MRAS: variants seen among roughly 807,000 people sequenced by gnomAD.
MRAS encodes the protein ras-related protein M-Ras.
MRAS carries 4 observed loss-of-function variants against 20.9 expected under a neutral mutation model. That is an observed-to-expected ratio of 0.19 (90% confidence interval 0.09 to 0.44). MRAS has a LOEUF of 0.44. Ranked by LOEUF, MRAS falls within the 20% of genes least tolerant of loss-of-function variation. The pLI is 0.99. For missense variants in MRAS, 154 were observed against 277.5 expected (o/e 0.56, Z 3.16); for synonymous variants, 98 against 102.9 (o/e 0.95, Z 0.29).
intron 2 of MRAS, among the ~76,000 whole-genome samples, chr3:138,394,733 A>G (rs1330773764): frequency 6.6e-6 from 1 of 152,070 alleles, no homozygotes; most frequent in Non-Finnish European, 1.5e-5. Flanking sequence ...TGGGATCACT[A>G]TTCCCCTAGA....
In MRAS at chr3:138,371,515, A is replaced by G. The variant is rs2054673509; in HGVS notation, c.-18-1351A>G. On this transcript the variant is annotated intron_variant, in intron 1 of 5. Coordinates refer to ENST00000423968, the MANE Select transcript of MRAS (RefSeq NM_001085049.3). Reference sequence around the variant, plus strand: ...CACCCAGTTCTTTGTCCTCCCTGCCACACTGCCACCCTCCTCTCTGTGAGA... The same window carrying G: ...CACCCAGTTCTTTGTCCTCCCTGCCGCACTGCCACCCTCCTCTCTGTGAGA... Among the ~76,000 whole-genome samples, 2 of 152,210 alleles carry G rather than the reference A, an allele frequency of 1.3e-5. 1 individual carries two copies. Among genetic ancestry groups the G allele is most frequent in the South Asian group, 4.1e-4 (2 of 4,826 alleles).
intron 1 of MRAS, among the ~76,000 whole-genome samples, chr3:138,352,701 A>G (rs1257953561): frequency 1.3e-5 from 2 of 152,152 alleles, no homozygotes; most frequent in Non-Finnish European, 2.9e-5. Flanking sequence ...CGGATAAAAC[A>G]ATATGATTTA....
intron 2 of MRAS, among the ~76,000 whole-genome samples, chr3:138,373,598 A>AT (rs1056325525): frequency 5.9e-5 from 9 of 152,154 alleles, no homozygotes; most frequent in African/African-American, 2.2e-4. Flanking sequence ...GCCCATACTG[A>AT]TTTGGAAATT....
chr3:138,352,772 G>C (rs1023946484), intron 1 of MRAS, among the ~76,000 whole-genome samples: 2 of 152,090 alleles, frequency 1.3e-5, no homozygotes, highest in African/African-American at 4.8e-5. Context: ...CGGCTGTGCA[G>C]CTTGTAGTGG....
intron 2 of MRAS, among the ~76,000 whole-genome samples, chr3:138,378,152 C>T (rs879734942): frequency 2.6e-5 from 4 of 152,226 alleles, no homozygotes; most frequent in Non-Finnish European, 4.4e-5. Context: ...TTACTCCTCA[C>T]CCAGGGTCCT....
At chr3:138,390,982 A>G (rs1314453969) in intron 2 of MRAS, among the ~76,000 whole-genome samples, 1 of 152,238 alleles carries the variant, frequency 6.6e-6, no homozygotes, top group Non-Finnish European at 1.5e-5. Context: ...ATCCATAGTC[A>G]GAGGCCTTTT....
At chr3:138,374,144 G>A (rs1171886320) in intron 2 of MRAS, among the ~76,000 whole-genome samples, 6 of 151,870 alleles carry the variant, frequency 4.0e-5, no homozygotes, top group Non-Finnish European at 7.4e-5. Flanking sequence ...TGTATTTTTA[G>A]TAGAGACGGG....
At chr3:138,355,431 C>G (rs2054311931) in intron 1 of MRAS, among the ~76,000 whole-genome samples, 1 of 152,208 alleles carries the variant, frequency 6.6e-6, no homozygotes, top group South Asian at 2.1e-4. Flanking sequence ...GAGTAAAGCT[C>G]TGCTTTTTAA....
intron 2 of MRAS, among the ~76,000 whole-genome samples, chr3:138,390,579 G>A (rs1193242225): frequency 1.3e-5 from 2 of 152,188 alleles, no homozygotes; most frequent in Admixed American, 6.5e-5. Flanking sequence ...TTTCTTAATA[G>A]TGTAGCTGCC....
At chr3:138,390,850 A>G (rs968520713) in intron 2 of MRAS, among the ~76,000 whole-genome samples, 3 of 152,174 alleles carry the variant, frequency 2.0e-5, no homozygotes, top group Non-Finnish European at 4.4e-5. Flanking sequence ...TTTAGGTTTT[A>G]TATGTTTTCT....
chr3:138,375,073 G>C (rs2054755553), intron 2 of MRAS, among the ~76,000 whole-genome samples: 1 of 152,058 alleles, frequency 6.6e-6, no homozygotes, highest in Non-Finnish European at 1.5e-5. Context: ...GTGAAGATTG[G>C]GGGGAATCTC....
chr3:138,372,804 T>C (rs2054702466), intron 1 of MRAS, 62 bp from the exon 2 acceptor site: 4 of 1,187,378 alleles, frequency 3.4e-6, no homozygotes, highest in South Asian at 3.4e-5. Flanking sequence ...GGAAAACATA[T>C]GAATATTTTC....
At position 138,373,017 on chromosome 3, in the gene MRAS, C is replaced by G; in HGVS notation, c.134C>G (p.Thr45Ser). The change falls in exon 2 of 6, where the codon ACC becomes AGC. Residue 45 changes from threonine (T) to serine (S), a missense_variant. By Grantham distance (58) the Thr-to-Ser change is moderately conservative. Coordinates refer to ENST00000423968, the MANE Select transcript of MRAS (RefSeq NM_001085049.3). ...QKIFVPDYDP[T>S]IEDSYLKHTE... ...ATCTTTGTGCCTGACTATGACCCCA[C>G]CATTGAAGACTCCTACCTGAAACAT... The G allele has an allele frequency of 1.3e-6, 2 of 1,552,502 alleles. No homozygotes were observed. Among genetic ancestry groups the G allele is most frequent in the Non-Finnish European group, 1.7e-6 (2 of 1,152,040 alleles).
chr3:138,370,134 A>G (rs543721531), intron 1 of MRAS, among the ~76,000 whole-genome samples: 157 of 152,252 alleles, frequency 1.0e-3, no homozygotes, highest in Non-Finnish European at 1.9e-3. Context: ...CCTGGCCAAC[A>G]TGGTGAAACC....
At chr3:138,400,513 A>G (rs1223041889) in intron 4 of MRAS, 21 bp from the exon 5 acceptor site, 2 of 1,596,068 alleles carry the variant, frequency 1.3e-6, no homozygotes, top group Admixed American at 1.7e-5. Context: ...CACTTTGATC[A>G]AGTTGAGCTT....
At chr3:138,361,512 A>G (rs2054446893) in intron 1 of MRAS, among the ~76,000 whole-genome samples, 1 of 152,132 alleles carries the variant, frequency 6.6e-6, no homozygotes, top group Non-Finnish European at 1.5e-5. Flanking sequence ...CAAGGGAGAA[A>G]AAGGAAGAGA....
chr3:138,351,659 GAGCTCAGATCTCCCAA>G (rs1301695645), intron 1 of MRAS, among the ~76,000 whole-genome samples: 1 of 152,186 alleles, frequency 6.6e-6, no homozygotes, highest in Non-Finnish European at 1.5e-5. Context: ...AGATTAAGCA[GAGCTCAGATCTCCCAA>G]AGATGCTCTC....
chr3:138,398,452 G>A lies in MRAS; in HGVS notation c.348-17G>A, dbSNP rs574806189. 7.4e-6 allele frequency: 12 copies of A among 1,611,118 alleles called. No individual in the cohort carries two copies. The highest frequency in any genetic ancestry group is 3.3e-4 in the Middle Eastern group (2 of 6,054). ...GTGGTGGAAACCTCACAGAGCTGCT[G>A]TTCCTTTATTTCCCAGGGAGTCATT... is the stretch of plus-strand genomic sequence containing the variant. On this transcript the variant is annotated splice_polypyrimidine_tract_variant and intron_variant, in intron 3 of 5. Transcript: ENST00000423968.
chr3:138,374,881 ATTGTT>A (rs2054751339), intron 2 of MRAS, among the ~76,000 whole-genome samples: 2 of 152,042 alleles, frequency 1.3e-5, no homozygotes, highest in African/African-American at 2.4e-5. Flanking sequence ...AATTACATTG[ATTGTT>A]TTGTTTTGTT....
Sources: gnomAD v4.1 joint callset for allele counts (sites outside exome capture counted in the v4.1 genomes callset) on GRCh38, gnomAD v4.1.1 for gene constraint, MANE v1.5 for transcripts, NCBI Gene and HGNC (gene_info 2026-07-23, HGNC 2026-07-21) for gene names.